The following SMAD3 variants were observed in gnomAD, a reference collection of about 807,000 sequenced individuals.
The protein encoded by SMAD3 is MAD homolog 3.
In SMAD3, 12 loss-of-function variants were observed where a neutral mutation model predicts 51.8. The ratio of observed to expected loss-of-function variants is 0.23; its 90% CI spans 0.15 to 0.38. SMAD3 has a LOEUF of 0.38. SMAD3 is among the 10% of genes least tolerant of loss of function. The pLI is 1.00. For synonymous variants in SMAD3, 238 were observed against 227.7 expected, an observed-to-expected ratio of 1.05 and a Z score of -0.41; for missense variants, 294 against 565.6, an observed-to-expected ratio of 0.52 and a Z score of 4.87.
Position 67,170,663 on chromosome 15 carries a change from G to A in SMAD3, c.658+59G>A, listed in dbSNP as rs537885896. 43 of 1,484,998 alleles carry A rather than the reference G, an allele frequency of 2.9e-5. No homozygotes were observed. The Admixed American group carries it at 4.0e-4, about 14-fold the overall frequency. 92.0% of individuals were successfully genotyped at this position (1,484,998 alleles called of 1,614,324 possible). A position where few individuals can be genotyped will look rare whatever the true frequency, so the allele number is the denominator to read the frequency against. ...CCTCTAGCTGCAGCCCTGGCGAGTC[G>A]CCAGTGTGGGGAGGGGGCCCTGAAG... On this transcript the variant is annotated intron_variant, in intron 5 of 8. Transcript: ENST00000327367.
At chr15:67,186,323 CT>C (rs1963221375) in intron 7 of SMAD3, among the ~76,000 whole-genome samples, 1 of 152,208 alleles carries the variant, frequency 6.6e-6, no homozygotes, top group Non-Finnish European at 1.5e-5. Context: ...CGCTCTTGGC[CT>C]TCTGCCTCTT....
chr15:67,096,314 G>A (rs184304374), intron 1 of SMAD3, among the ~76,000 whole-genome samples: 1 of 152,330 alleles, frequency 6.6e-6, no homozygotes, highest in African/African-American at 2.4e-5. Flanking sequence ...ATAGCGAGAA[G>A]TGAAGTAAAA....
rs574634185 is a variant in SMAD3 at position 67,193,991 on chromosome 15, C to T, written c.*3455C>T. On this transcript the variant is annotated 3_prime_UTR_variant, in exon 9 of 9. Transcript: ENST00000327367. ...CCACAGGGCCGGAGCTCAGGTTACA[C>T]CACTCCTTCGTCCTTACAGGAGATG... is the stretch of plus-strand genomic sequence containing the variant. 1.3e-5 allele frequency: 3 copies of T among 233,186 alleles called. No individual in the cohort carries two copies. The highest frequency in any genetic ancestry group is 6.6e-5 in the African/African-American group (3 of 45,334). 14.4% of individuals were successfully genotyped at this position (233,186 alleles called of 1,614,324 possible).
rs879732557 is a variant in SMAD3, at chr15:67,085,872, A to G, written c.206+19512A>G. Among the ~76,000 whole-genome samples, 195 of 98,754 alleles carry G rather than the reference A, an allele frequency of 2.0e-3. 1 individual carries two copies. The highest frequency in any genetic ancestry group is 6.6e-3 in the Admixed American group (61 of 9,238). The allele number at this position is 98,754 out of a possible 152,430, so 64.8% of individuals were successfully genotyped here. ...GGTTGGTCAAAAAAAAAGCGTGCACACACACACACACACACACACACACAC... is the reference window on the plus strand; with the variant it reads ...GGTTGGTCAAAAAAAAAGCGTGCACGCACACACACACACACACACACACAC... On this transcript the variant is annotated intron_variant, in intron 1 of 8. Transcript: ENST00000327367.
intron 1 of SMAD3, among the ~76,000 whole-genome samples, chr15:67,076,753 G>C (rs1335669023): frequency 6.6e-6 from 1 of 152,204 alleles, no homozygotes; most frequent in Non-Finnish European, 1.5e-5. Flanking sequence ...TCAGAGGCCT[G>C]ACCCTTCCAG....
chr15:67,086,404 C>T (rs531468234), intron 1 of SMAD3, among the ~76,000 whole-genome samples: 2 of 152,152 alleles, frequency 1.3e-5, no homozygotes, highest in Admixed American at 6.5e-5. Context: ...TGATGGGACA[C>T]ATCTCTCTGC....
intron 3 of SMAD3, chr15:67,166,121 G>A: frequency 1.0e-6 from 1 of 998,000 alleles, no homozygotes; most frequent in Non-Finnish European, 1.2e-6. Flanking sequence ...GTGTGCTTGG[G>A]TCAGAGTGTT....
rs972086712 is a variant in SMAD3, at chr15:67,184,943, T to C, written c.1009+79T>C. The C allele has an allele frequency of 3.9e-6, 6 of 1,537,582 alleles. No homozygotes were observed. In the African/African-American group the frequency reaches 6.8e-5, roughly 17 times the overall value. ...CTAGGATGCTGGAGAGAGTCCACCT[T>C]TCTCACCTTTTCTGCTCACTCATGA... is the stretch of plus-strand genomic sequence containing the variant. On this transcript the variant is annotated intron_variant, in intron 7 of 8. Transcript: ENST00000327367.
At chr15:67,185,131 T>C (rs1166014980) in intron 7 of SMAD3, among the ~76,000 whole-genome samples, 1 of 151,936 alleles carries the variant, frequency 6.6e-6, no homozygotes, top group African/African-American at 2.4e-5. Context: ...TCAGGCAGTA[T>C]GGCTTCCTTT....
chr15:67,133,431 T>A (rs190418438), intron 1 of SMAD3, among the ~76,000 whole-genome samples: 2 of 152,262 alleles, frequency 1.3e-5, no homozygotes, highest in African/African-American at 2.4e-5. Flanking sequence ...TTAAATGCAT[T>A]TGGGGGATGG....
Position 67,164,994 on chromosome 15 carries a change from G to A in SMAD3, c.306G>A (p.Glu102=), listed in dbSNP as rs1238536998. 1 of 1,614,148 alleles carries A rather than the reference G, an allele frequency of 6.2e-7. No individual in the cohort carries two copies. The highest frequency in any genetic ancestry group is 2.2e-5 in the East Asian group (1 of 44,880). Residue 102 remains glutamate (E), a synonymous_variant, in exon 2 of 9, where the codon GAG becomes GAA. Transcript: ENST00000327367. The part of the protein sequence containing the change: ...WRWPDLHSHH[E]LRAMELCEFA... ...GGCCAGACCTGCACAGCCACCACGA[G>A]CTACGGGCCATGGAGCTGTGTGAGT... is the stretch of plus-strand genomic sequence containing the variant.
At chr15:67,110,397 G>A (rs984211262) in intron 1 of SMAD3, among the ~76,000 whole-genome samples, 1 of 152,188 alleles carries the variant, frequency 6.6e-6, no homozygotes, top group Admixed American at 6.5e-5. Flanking sequence ...AGAAGATTTG[G>A]ATTTAGAGGA....
At chr15:67,175,775 A>G (rs1354031517) in intron 5 of SMAD3, among the ~76,000 whole-genome samples, 4 of 152,170 alleles carry the variant, frequency 2.6e-5, no homozygotes, top group Non-Finnish European at 5.9e-5. Context: ...GGGCGGCCCG[A>G]AGACCACCAG....
intron 1 of SMAD3, among the ~76,000 whole-genome samples, chr15:67,096,099 G>A (rs1449221008): frequency 6.6e-6 from 1 of 152,214 alleles, no homozygotes; most frequent in Admixed American, 6.5e-5. Flanking sequence ...GTTGTAGAAA[G>A]AAGGCGATGA....
At chr15:67,121,835 A>T (rs1961270819) in intron 1 of SMAD3, among the ~76,000 whole-genome samples, 1 of 152,210 alleles carries the variant, frequency 6.6e-6, no homozygotes, top group Non-Finnish European at 1.5e-5. Flanking sequence ...TTTCCTCCAG[A>T]ACTTTGTGTC....
intron 1 of SMAD3, among the ~76,000 whole-genome samples, chr15:67,141,220 G>T (rs1338043278): frequency 6.6e-6 from 1 of 152,152 alleles, no homozygotes; most frequent in Non-Finnish European, 1.5e-5. Flanking sequence ...GGCTTCGATT[G>T]ATCATTTGCA....
At chr15:67,091,050 G>A (rs1328807289) in intron 1 of SMAD3, among the ~76,000 whole-genome samples, 7 of 152,172 alleles carry the variant, frequency 4.6e-5, no homozygotes, top group Admixed American at 4.6e-4. Flanking sequence ...GTTTCATGGA[G>A]TCTGTTTCTT....
intron 5 of SMAD3, among the ~76,000 whole-genome samples, chr15:67,176,974 C>T (rs547886206): frequency 6.6e-6 from 1 of 152,346 alleles, no homozygotes; most frequent in South Asian, 2.1e-4. Flanking sequence ...AACTGCTCTT[C>T]AATGGGGTGT....
chr15:67,166,353 C>T (rs1962588754), intron 3 of SMAD3, among the ~76,000 whole-genome samples: 2 of 152,318 alleles, frequency 1.3e-5, no homozygotes, highest in East Asian at 3.9e-4. Context: ...CAAATAATAA[C>T]ACCTGGTCTG....
Sources: allele counts gnomAD v4.1 joint callset (sites outside exome capture counted in the v4.1 genomes callset), GRCh38; gene constraint gnomAD v4.1.1; transcripts MANE v1.5; gene names NCBI Gene and HGNC (gene_info 2026-07-23, HGNC 2026-07-21).